The following PARP4 variants were observed in gnomAD, a reference collection of about 807,000 sequenced individuals.
PARP4 encodes poly(ADP-ribose) polymerase family member 4, also known as protein mono-ADP-ribosyltransferase PARP4.
Under a neutral mutation model 187.7 loss-of-function variants are expected in PARP4, and 120 were observed. That is an observed-to-expected ratio of 0.64 (90% CI 0.55 to 0.74). The LOEUF (loss-of-function observed/expected upper bound fraction) is 0.74. PARP4 is among the 30% of genes least tolerant of loss of function. The pLI is 0.00. For synonymous variants in PARP4, 654 were observed against 740.9 expected (o/e 0.88, Z 1.90); for missense variants, 1,836 against 2,070.5 (o/e 0.89, Z 2.20).
intron 7 of PARP4, 98 bp from the exon 8 acceptor site, chr13:24,493,831 T>TAAA: frequency 8.4e-7 from 1 of 1,194,844 alleles, no homozygotes; most frequent in Non-Finnish European, 1.2e-6. Flanking sequence ...GGAGAAATAA[T>TAAA]TGATTAGAGC....
chr13:24,498,587 G>C (rs151150546), intron 5 of PARP4, among the ~76,000 whole-genome samples: 1 of 151,922 alleles, frequency 6.6e-6, no homozygotes, highest in Non-Finnish European at 1.5e-5. Flanking sequence ...GGCTAGTGTC[G>C]ATTTATATCT....
intron 6 of PARP4, among the ~76,000 whole-genome samples, chr13:24,494,940 C>T (rs1290091390): frequency 6.6e-6 from 1 of 151,646 alleles, no homozygotes; most frequent in Admixed American, 6.6e-5. Flanking sequence ...AGCACAATCT[C>T]AACTCACTGC....
intron 17 of PARP4, among the ~76,000 whole-genome samples, chr13:24,466,216 G>A (rs902984705): frequency 2.0e-5 from 3 of 152,122 alleles, no homozygotes; most frequent in African/African-American, 7.2e-5. Flanking sequence ...ACAGGGTCTC[G>A]CTTTGTTGCC....
intron 7 of PARP4, among the ~76,000 whole-genome samples, chr13:24,494,255 G>C (rs1212529268): frequency 2.0e-5 from 3 of 152,184 alleles, no homozygotes; most frequent in Non-Finnish European, 2.9e-5. Flanking sequence ...GGGTGCAGTG[G>C]CATGATCATA....
intron 32 of PARP4, among the ~76,000 whole-genome samples, chr13:24,427,367 C>T (rs1254265931): frequency 1.1e-5 from 1 of 87,252 alleles, no homozygotes; most frequent in East Asian, 3.9e-4. Flanking sequence ...AAAATCCAAG[C>T]TTCTTTTTTT....
At position 24,447,263 on chromosome 13, in the gene PARP4, T is replaced by C. The variant is rs60056484; in HGVS notation, c.3115-77A>G. The C allele has an allele frequency of 0.016, 17,827 of 1,082,634 alleles. 883 individuals are homozygous for C. The African/African-American group carries it at 0.17, about 10-fold the overall frequency. 67.1% of individuals were successfully genotyped at this position (1,082,634 alleles called of 1,614,324 possible). A position where few individuals can be genotyped will look rare whatever the true frequency, so the allele number is the denominator to read the frequency against. ...GTTACTTCACATTTAAAATAAAGTA[T>C]ACATTCTATCCTTTGGGAATTTTAT... On this transcript the variant is annotated intron_variant, in intron 25 of 33. Transcript: ENST00000381989.
rs889145991 is a variant in PARP4 at position 24,508,419 on chromosome 13, C to G, written c.-2+4287G>C. On this transcript the variant is annotated intron_variant, in intron 1 of 33. Coordinates refer to ENST00000381989, the MANE Select transcript of PARP4 (RefSeq NM_006437.4). ...ATTTGAAAAATACAGAATTGTATAA[C>G]AGAAAAAAAAAGAACAAAACAAAAA... is the stretch of plus-strand genomic sequence containing the variant. Among the ~76,000 whole-genome samples the G allele has an allele frequency of 1.3e-5, 2 of 151,734 alleles. 1 individual carries two copies. The highest frequency in any genetic ancestry group is 4.8e-5 in the African/African-American group (2 of 41,306).
intron 1 of PARP4, among the ~76,000 whole-genome samples, chr13:24,511,228 T>C (rs1425869495): frequency 6.6e-6 from 1 of 152,228 alleles, no homozygotes; most frequent in Non-Finnish European, 1.5e-5. Flanking sequence ...GATTCATCTC[T>C]AGTCTCTGTA....
At chr13:24,466,781 A>C (rs1872493685) in intron 17 of PARP4, among the ~76,000 whole-genome samples, 1 of 134,170 alleles carries the variant, frequency 7.5e-6, no homozygotes, top group Admixed American at 8.1e-5. Context: ...CCTGGGCAAC[A>C]GTGAGACTCT....
intron 20 of PARP4, among the ~76,000 whole-genome samples, chr13:24,458,312 T>C (rs1005708070): frequency 1.3e-5 from 2 of 152,052 alleles, no homozygotes; most frequent in Non-Finnish European, 2.9e-5. Context: ...GGTTTCACCA[T>C]GTTAGCCAGG....
chr13:24,455,506 T>TATATATATATATATATATATCACA lies in PARP4; in HGVS notation c.2563-295_2563-294insTGTGATATATATATATATATATAT, dbSNP rs1555234626. ...ATATATATATATATATATATATATATCACACTATTCTAAGAGGAATATACA... is the reference window on the plus strand; with the variant it reads ...ATATATATATATATATATATATATATATATATATATATATATATATCACACACACTATTCTAAGAGGAATATACA... On this transcript the variant is annotated intron_variant, in intron 21 of 33. Transcript: ENST00000381989. 9.3e-3 allele frequency among the ~76,000 whole-genome samples: 1,259 copies of TATATATATATATATATATATCACA among 134,828 alleles called. 17 individuals carry two copies. Among genetic ancestry groups the TATATATATATATATATATATCACA allele is most frequent in the Non-Finnish European group, 0.015 (916 of 62,400 alleles). 88.5% of individuals were successfully genotyped at this position (134,828 alleles called of 152,430 possible). A position where few individuals can be genotyped will look rare whatever the true frequency, so the allele number is the denominator to read the frequency against.
chr13:24,501,865 A>G (rs1396220007), intron 2 of PARP4, 31 bp from the exon 3 acceptor site: 1 of 1,228,726 alleles, frequency 8.1e-7, no homozygotes, highest in East Asian at 2.3e-5. Flanking sequence ...TCCATTATGC[A>G]TCAAGAAAAA....
intron 11 of PARP4, 148 bp from the exon 12 acceptor site, chr13:24,484,896 G>C (rs185829906): frequency 4.1e-4 from 215 of 530,502 alleles, no homozygotes; most frequent in Admixed American, 2.5e-3. Flanking sequence ...GGAAACACAA[G>C]GGAAATTTCT....
At chr13:24,482,880 G>A (rs1873351785) in intron 12 of PARP4, among the ~76,000 whole-genome samples, 1 of 152,190 alleles carries the variant, frequency 6.6e-6, no homozygotes, top group Non-Finnish European at 1.5e-5. Context: ...CATTTGACAT[G>A]TGTAGCCACA....
At position 24,485,778 on chromosome 13, in the gene PARP4, C is replaced by T. The variant is rs1433354407; in HGVS notation, c.1352+390G>A. Among the ~76,000 whole-genome samples, 3 of 152,180 alleles carry T rather than the reference C, an allele frequency of 2.0e-5. No individual in the cohort carries two copies. In the East Asian group the frequency reaches 5.8e-4, roughly 29 times the overall value. On this transcript the variant is annotated intron_variant, in intron 11 of 33. Transcript: ENST00000381989. Reference sequence around the variant, plus strand: ...CATGGAAGACTCATGAATATAGAATCACTTTTCTTCATACGATACAGTCTT... The same window carrying T: ...CATGGAAGACTCATGAATATAGAATTACTTTTCTTCATACGATACAGTCTT...
In PARP4 at chr13:24,458,376, T is replaced by C. The variant is rs192405286; in HGVS notation, c.2424+668A>G. Among the ~76,000 whole-genome samples, 406 of 152,008 alleles carry C rather than the reference T, an allele frequency of 2.7e-3. 7 individuals carry two copies. In the South Asian group the frequency reaches 0.044, roughly 17 times the overall value. The stretch of plus-strand genomic sequence containing the variant: ...CACCCACCTCAGCCTCCCAAAGTGC[T>C]GGGATTACAGGCATGAGCCACCGCA... On this transcript the variant is annotated intron_variant, in intron 20 of 33. Coordinates refer to ENST00000381989, the MANE Select transcript of PARP4 (RefSeq NM_006437.4).
chr13:24,495,817 T>C (rs1868913282), intron 6 of PARP4, among the ~76,000 whole-genome samples: 1 of 152,106 alleles, frequency 6.6e-6, no homozygotes, highest in South Asian at 2.1e-4. Context: ...TTTAAGACGG[T>C]AGAGTTTAAC....
chr13:24,484,672 A>T lies in PARP4; in HGVS notation c.1429T>A (p.Tyr477Asn), dbSNP rs1265664368. 2 of 1,610,136 alleles carry T rather than the reference A, an allele frequency of 1.2e-6. No homozygotes were observed. Among genetic ancestry groups the T allele is most frequent in the African/African-American group, 2.7e-5 (2 of 74,902 alleles). Residue 477 changes from tyrosine to asparagine, a missense_variant, in exon 12 of 34, where the codon TAT (tyrosine) becomes AAT (asparagine). This residue lies in a region of PARP4 where 1,147 missense variants were observed against 1,214.2 expected (regional missense o/e 0.94). Coordinates refer to ENST00000381989, the MANE Select transcript of PARP4 (RefSeq NM_006437.4). Reference sequence around the variant, plus strand: ...ACATACCTGAGCGAATCACTGAAATAAATCCCACTTCCAAGGTTTCCGACG... The same window carrying T: ...ACATACCTGAGCGAATCACTGAAATTAATCCCACTTCCAAGGTTTCCGACG... ...TDVGNLGSGI[Y>N]FSDSLSTSIK... is the part of the protein sequence containing the mutation.
intron 17 of PARP4, among the ~76,000 whole-genome samples, chr13:24,462,792 T>C (rs983006133): frequency 6.6e-5 from 10 of 152,150 alleles, no homozygotes; most frequent in African/African-American, 1.9e-4. Context: ...TGACTGACAA[T>C]AGCTGAGAAA....
Sources: gnomAD v4.1 joint callset for allele counts (sites outside exome capture counted in the v4.1 genomes callset) on GRCh38, gnomAD v4.1.1 for gene constraint, gnomAD v4.1.1 regional missense constraint, MANE v1.5 for transcripts, NCBI Gene and HGNC (gene_info 2026-07-23, HGNC 2026-07-21) for gene names.